CATSPERB: variants seen among roughly 807,000 people sequenced by gnomAD.
CATSPERB encodes the protein catsper channel auxiliary subunit beta, also known as cation channel sperm-associated auxiliary subunit beta.
A neutral mutation model predicts 128.3 loss-of-function variants in CATSPERB; 93 were observed. That is an observed-to-expected ratio of 0.72 (90% CI 0.61 to 0.86). The LOEUF (loss-of-function observed/expected upper bound fraction) is 0.86. Among genes scored for constraint, CATSPERB ranks in the 40% least tolerant of loss-of-function variants. The pLI, the probability that CATSPERB is intolerant of heterozygous loss-of-function variation, is 0.00. For missense variants in CATSPERB, 1,153 were observed against 1,329.5 expected (o/e 0.87, Z 2.06); for synonymous variants, 381 against 448.8 (o/e 0.85, Z 1.91).
chr14:91,716,712 TACACACAC>T (rs34934524), intron 5 of CATSPERB, among the ~76,000 whole-genome samples: 50 of 137,628 alleles, frequency 3.6e-4, no homozygotes, highest in South Asian at 1.4e-3. Flanking sequence ...TTTACAAGCA[TACACACAC>T]ACACACACAC....
intron 22 of CATSPERB, among the ~76,000 whole-genome samples, chr14:91,593,333 G>T (rs192562498): frequency 6.6e-6 from 1 of 152,172 alleles, no homozygotes; most frequent in African/African-American, 2.4e-5. Context: ...CTTGCACCTG[G>T]TGCCTGGAAA....
chr14:91,616,317 T>C (rs1893934535), intron 20 of CATSPERB, among the ~76,000 whole-genome samples: 1 of 152,310 alleles, frequency 6.6e-6, no homozygotes, highest in East Asian at 1.9e-4. Flanking sequence ...TATACAATTA[T>C]AAACTGTTGA....
chr14:91,603,449 C>T (rs1467118496), intron 22 of CATSPERB: 2 of 1,517,780 alleles, frequency 1.3e-6, no homozygotes, highest in African/African-American at 1.4e-5. Context: ...CTAGTTATAC[C>T]AGATGAGTGG....
In CATSPERB at chr14:91,669,924, G is replaced by T. The variant is rs755879716; in HGVS notation, c.1177C>A (p.Pro393Thr). 6.2e-7 allele frequency: 1 copy of T among 1,613,272 alleles called. No homozygotes were observed. Among genetic ancestry groups the T allele is most frequent in the African/African-American group, 1.3e-5 (1 of 74,892 alleles). Residue 393 changes from proline (P) to threonine (T), a missense_variant, in exon 14 of 27, where the codon CCA becomes ACA. Transcript: ENST00000256343. ...ATTGGAAATTTTGATTGTGAATTTG[G>T]TTCATTATTTCTCAGGGTGCTCACA... is the stretch of plus-strand genomic sequence containing the variant. Reference protein sequence around the residue: ...ASVSTLRNNEPNSQSKFPIFR... With the variant: ...ASVSTLRNNETNSQSKFPIFR...
At chr14:91,688,004 A>G (rs1895403571) in intron 10 of CATSPERB, among the ~76,000 whole-genome samples, 2 of 152,010 alleles carry the variant, frequency 1.3e-5, no homozygotes, top group South Asian at 4.2e-4. Flanking sequence ...TTATATGGAT[A>G]GACAGAAAAC....
chr14:91,621,385 G>C (rs914452235), intron 19 of CATSPERB, among the ~76,000 whole-genome samples: 1 of 152,126 alleles, frequency 6.6e-6, no homozygotes, highest in African/African-American at 2.4e-5. Flanking sequence ...GGGCGATGGA[G>C]GGGGAGTCTG....
intron 17 of CATSPERB, among the ~76,000 whole-genome samples, chr14:91,626,326 C>A (rs994030831): frequency 7.1e-6 from 1 of 141,568 alleles, no homozygotes. Context: ...GTTGAAAACA[C>A]AATTTCCAAT....
intron 5 of CATSPERB, among the ~76,000 whole-genome samples, chr14:91,716,715 A>ATG (rs1555365156): frequency 8.8e-6 from 1 of 113,852 alleles, no homozygotes; most frequent in Admixed American, 8.3e-5. Flanking sequence ...ACAAGCATAC[A>ATG]CACACACACA....
At chr14:91,668,769 C>T (rs1252442677) in intron 14 of CATSPERB, among the ~76,000 whole-genome samples, 4 of 152,132 alleles carry the variant, frequency 2.6e-5, no homozygotes, top group African/African-American at 7.2e-5. Context: ...ACACTCACTG[C>T]GAAGGTCTGC....
chr14:91,624,052 A>G (rs1159655618), intron 18 of CATSPERB, among the ~76,000 whole-genome samples: 24 of 151,882 alleles, frequency 1.6e-4, no homozygotes, highest in Admixed American at 1.6e-3. Context: ...ATTATATTAG[A>G]AAAAAAAATC....
In CATSPERB at chr14:91,723,122, G is replaced by C. The variant is rs1896061714; in HGVS notation, c.236C>G (p.Ser79Ter). 7.0e-6 allele frequency: 11 copies of C among 1,562,296 alleles called. No homozygotes were observed. The highest frequency in any genetic ancestry group is 7.8e-6 in the Non-Finnish European group (9 of 1,153,992). Residue 79 changes from serine (S) to a stop codon, truncating the protein, a stop_gained, in exon 4 of 27, where the codon TCA (serine) becomes TGA (stop). Coordinates refer to ENST00000256343, the MANE Select transcript of CATSPERB (RefSeq NM_024764.4). LOFTEE classifies it high-confidence loss of function. Reference protein sequence around the residue: ...ASKAMLSVFTSGGLAPSLGIM... With the variant: ...ASKAMLSVFT Reference sequence around the variant, plus strand: ...TCCCAAGCTGGGAGCAAGTCCTCCTGATGTGAACACACTTAGCATTGCTTT... The same window carrying C: ...TCCCAAGCTGGGAGCAAGTCCTCCTCATGTGAACACACTTAGCATTGCTTT...
intron 11 of CATSPERB, among the ~76,000 whole-genome samples, chr14:91,677,043 C>T (rs946842761): frequency 2.0e-5 from 3 of 152,162 alleles, no homozygotes; most frequent in African/African-American, 4.8e-5. Context: ...AAACTGAACC[C>T]CTTCCTCACA....
At chr14:91,682,123 C>T (rs369080234) in intron 11 of CATSPERB, among the ~76,000 whole-genome samples, 21 of 152,252 alleles carry the variant, frequency 1.4e-4, no homozygotes, top group African/African-American at 4.1e-4. Context: ...GCAGGCTTGC[C>T]GTGGTGCGTG....
At chr14:91,615,380 G>A (rs1270655245) in intron 20 of CATSPERB, among the ~76,000 whole-genome samples, 2 of 152,162 alleles carry the variant, frequency 1.3e-5, no homozygotes, top group Admixed American at 1.3e-4. Context: ...CCCATTCCAT[G>A]GAAAAACTGT....
At chr14:91,666,378 G>A (rs1005428719) in intron 14 of CATSPERB, among the ~76,000 whole-genome samples, 1 of 152,118 alleles carries the variant, frequency 6.6e-6, no homozygotes, top group Non-Finnish European at 1.5e-5. Flanking sequence ...AGACCCGGAG[G>A]GCAAATACTC....
intron 20 of CATSPERB, among the ~76,000 whole-genome samples, chr14:91,616,206 A>C (rs1214510680): frequency 6.6e-6 from 1 of 152,060 alleles, no homozygotes; most frequent in African/African-American, 2.4e-5. Flanking sequence ...TAATGACTCT[A>C]CTAATTTACA....
intron 13 of CATSPERB, among the ~76,000 whole-genome samples, chr14:91,671,279 T>G (rs953759715): frequency 1.3e-5 from 2 of 151,760 alleles, no homozygotes; most frequent in Admixed American, 6.6e-5. Flanking sequence ...TATCAAAAAC[T>G]TTCATATCTC....
At chr14:91,723,274 T>G (rs771816374) in intron 3 of CATSPERB, 85 bp from the exon 4 acceptor site, 112 of 1,028,156 alleles carry the variant, frequency 1.1e-4, no homozygotes, top group Non-Finnish European at 1.4e-4. Context: ...TGATTAGTAA[T>G]TCCAGTCTCT....
In CATSPERB at chr14:91,604,683, T is replaced by C. The variant is rs112769802; in HGVS notation, c.2709+3611A>G. 11,083 of 1,613,042 alleles carry C rather than the reference T, an allele frequency of 6.9e-3. 45 individuals are homozygous for C. Among genetic ancestry groups the C allele is most frequent in the Non-Finnish European group, 8.5e-3 (10,047 of 1,179,834 alleles). ...CAGGAGTGGTTGCTCCAGGACTGGATGTTCTGGGTCTGGTTGCTCCAGGTT... is the reference window on the plus strand; with the variant it reads ...CAGGAGTGGTTGCTCCAGGACTGGACGTTCTGGGTCTGGTTGCTCCAGGTT... On this transcript the variant is annotated intron_variant, in intron 22 of 26. Transcript: ENST00000256343.
Sources: allele counts gnomAD v4.1 joint callset (sites outside exome capture counted in the v4.1 genomes callset), GRCh38; gene constraint gnomAD v4.1.1; transcripts MANE v1.5; gene names NCBI Gene and HGNC (gene_info 2026-07-23, HGNC 2026-07-21).